The following GRIA2 variants were observed in gnomAD, a reference collection of about 807,000 sequenced individuals.
GRIA2 encodes glutamate receptor 2.
A neutral mutation model predicts 97.3 loss-of-function variants in GRIA2; 14 were observed. The observed-to-expected ratio is 0.14, with a 90% confidence interval of 0.10 to 0.23. The LOEUF is 0.23. Among genes scored for constraint, GRIA2 ranks in the 10% least tolerant of loss-of-function variants. The pLI is 1.00. For synonymous variants in GRIA2, 412 were observed against 387.8 expected (o/e 1.06, Z -0.73); for missense variants, 558 against 1,069.8 (o/e 0.52, Z 6.67).
intron 2 of GRIA2, among the ~76,000 whole-genome samples, chr4:157,232,027 A>G (rs553908090): frequency 2.0e-5 from 3 of 152,374 alleles, no homozygotes; most frequent in Admixed American, 6.5e-5. Context: ...TAAGACTAAA[A>G]TACGGAACAC....
At chr4:157,220,331 G>A (rs1729426922), upstream of GRIA2, 1 of 152,254 alleles carries the variant, frequency 6.6e-6, no homozygotes, top group African/African-American at 2.4e-5. Flanking sequence ...GTCCAGGTTG[G>A]AGCATCTCCG....
intron 12 of GRIA2, among the ~76,000 whole-genome samples, chr4:157,353,409 G>A (rs1006750045): frequency 1.3e-5 from 2 of 151,736 alleles, no homozygotes; most frequent in African/African-American, 2.4e-5. Context: ...GGTGGCTCAC[G>A]CCTGTAATCC....
chr4:157,355,869 ACATATT>A (rs1736272730), intron 12 of GRIA2, among the ~76,000 whole-genome samples: 1 of 93,646 alleles, frequency 1.1e-5, no homozygotes, highest in Admixed American at 1.9e-4. Flanking sequence ...GTATATATTA[ACATATT>A]TATATATATT....
intron 6 of GRIA2, among the ~76,000 whole-genome samples, 175 bp downstream of exon 6, chr4:157,321,774 A>G (rs1734581987): frequency 6.6e-6 from 1 of 152,208 alleles, no homozygotes; most frequent in Non-Finnish European, 1.5e-5. Context: ...AAGTAAAGCT[A>G]TTAGAGCTTT....
At chr4:157,222,577 G>T (rs977621120) in intron 2 of GRIA2, among the ~76,000 whole-genome samples, 1 of 152,176 alleles carries the variant, frequency 6.6e-6, no homozygotes, top group Non-Finnish European at 1.5e-5. Context: ...GGGGCGCCGC[G>T]GTCAGCTTGC....
chr4:157,242,253 T>C (rs1285941418), intron 2 of GRIA2, among the ~76,000 whole-genome samples: 1 of 152,104 alleles, frequency 6.6e-6, no homozygotes, highest in Non-Finnish European at 1.5e-5. Context: ...AGCAATACAC[T>C]AGTAATGAAC....
At chr4:157,236,912 GT>G (rs1277246650) in intron 2 of GRIA2, among the ~76,000 whole-genome samples, 3 of 152,006 alleles carry the variant, frequency 2.0e-5, no homozygotes, top group Non-Finnish European at 2.9e-5. Context: ...TGTTTCAGCT[GT>G]TTTACCCAGC....
intron 2 of GRIA2, among the ~76,000 whole-genome samples, chr4:157,301,444 T>A (rs1733610900): frequency 6.6e-6 from 1 of 152,182 alleles, no homozygotes; most frequent in African/African-American, 2.4e-5. Context: ...CAGTTGCTTT[T>A]TGAGATATTT....
chr4:157,350,931 C>CTTTTTTT (rs1240937135), intron 12 of GRIA2, among the ~76,000 whole-genome samples: 23 of 117,478 alleles, frequency 2.0e-4, no homozygotes, highest in Non-Finnish European at 2.6e-4. Flanking sequence ...TTAGTTTTTT[C>CTTTTTTT]TTTTTTTTTT....
At chr4:157,354,151 G>A (rs1051240928) in intron 12 of GRIA2, among the ~76,000 whole-genome samples, 52 of 148,230 alleles carry the variant, frequency 3.5e-4, no homozygotes, top group African/African-American at 1.1e-3. Context: ...AAGGAATGTC[G>A]AGAGAAATAT....
intron 2 of GRIA2, among the ~76,000 whole-genome samples, chr4:157,227,089 G>C (rs1433664107): frequency 6.6e-6 from 1 of 152,090 alleles, no homozygotes; most frequent in Non-Finnish European, 1.5e-5. Context: ...GAGAAACTAA[G>C]TATTGAAATA....
chr4:157,308,215 G>C (rs1733925799), intron 3 of GRIA2, among the ~76,000 whole-genome samples: 1 of 152,098 alleles, frequency 6.6e-6, no homozygotes, highest in Non-Finnish European at 1.5e-5. Flanking sequence ...ATTAATACTG[G>C]GTCAAGATGA....
At chr4:157,315,837 A>C (rs1000744143) in intron 4 of GRIA2, among the ~76,000 whole-genome samples, 1 of 152,070 alleles carries the variant, frequency 6.6e-6, no homozygotes, top group Non-Finnish European at 1.5e-5. Flanking sequence ...TGGGTATTTT[A>C]TTATCATTTT....
chr4:157,286,743 C>T (rs78162036), intron 2 of GRIA2, among the ~76,000 whole-genome samples: 3 of 151,476 alleles, frequency 2.0e-5, no homozygotes, highest in East Asian at 1.9e-4. Flanking sequence ...CAAATCAATA[C>T]GATTATAGGT....
intron 2 of GRIA2, among the ~76,000 whole-genome samples, chr4:157,280,814 T>C (rs542022299): frequency 1.3e-5 from 2 of 152,146 alleles, no homozygotes; most frequent in African/African-American, 2.4e-5. Context: ...AAGGAGGGAA[T>C]TACATGCAGG....
chr4:157,318,068 C>A (rs945587113), intron 5 of GRIA2, among the ~76,000 whole-genome samples: 1 of 152,026 alleles, frequency 6.6e-6, no homozygotes, highest in African/African-American at 2.4e-5. Context: ...CACTTTGCAT[C>A]TTCTAATCAA....
intron 6 of GRIA2, among the ~76,000 whole-genome samples, chr4:157,330,179 C>A (rs906734750): frequency 1.3e-5 from 2 of 151,870 alleles, no homozygotes; most frequent in Non-Finnish European, 2.9e-5. Context: ...TACTAAACAA[C>A]CTTAGACAAT....
At chr4:157,313,877 T>C (rs985515679) in intron 4 of GRIA2, among the ~76,000 whole-genome samples, 1 of 152,170 alleles carries the variant, frequency 6.6e-6, no homozygotes, top group Non-Finnish European at 1.5e-5. Context: ...ACACATACTT[T>C]GTATGTTATA....
chr4:157,295,159 G>A (rs1733287672), intron 2 of GRIA2, among the ~76,000 whole-genome samples: 2 of 152,036 alleles, frequency 1.3e-5, no homozygotes, highest in African/African-American at 2.4e-5. Context: ...TATAATATGG[G>A]CAACAGCAAT....
Sources: gnomAD v4.1 joint callset for allele counts (sites outside exome capture counted in the v4.1 genomes callset) on GRCh38, gnomAD v4.1.1 for gene constraint, MANE v1.5 for transcripts, NCBI Gene and HGNC (gene_info 2026-07-23, HGNC 2026-07-21) for gene names.